Variants in DPH6 observed in about 807,000 individuals in gnomAD.
DPH6 encodes the protein diphthamine biosynthesis 6.
A neutral mutation model predicts 38.2 loss-of-function variants in DPH6; 33 were observed. The observed-to-expected ratio is 0.86, with a 90% CI of 0.65 to 1.15. The LOEUF (loss-of-function observed/expected upper bound fraction) is 1.15. DPH6 is among the 50% of genes most tolerant of loss of function. DPH6 has a pLI of 0.00. For missense variants in DPH6, 325 were observed against 320.0 expected, an observed-to-expected ratio of 1.02 and a Z score of -0.12; for synonymous variants, 108 against 103.0, an observed-to-expected ratio of 1.05 and a Z score of -0.30.
chr15:35,235,201 G>A (rs2051542811), intron 3 of DPH6, among the ~76,000 whole-genome samples: 1 of 152,026 alleles, frequency 6.6e-6, no homozygotes, highest in Non-Finnish European at 1.5e-5. Context: ...GTGAAAGAGA[G>A]CCTGGGAGTT....
At chr15:35,361,722 C>T (rs1000813322) in intron 3 of DPH6, among the ~76,000 whole-genome samples, 7 of 151,764 alleles carry the variant, frequency 4.6e-5, no homozygotes, top group African/African-American at 1.5e-4. Context: ...TGAACCTCTC[C>T]AGTGAATTTT....
At chr15:35,270,493 A>G (rs141310567) in intron 3 of DPH6, among the ~76,000 whole-genome samples, 36 of 152,298 alleles carry the variant, frequency 2.4e-4, no homozygotes, top group African/African-American at 7.2e-4. Context: ...TCTAGCCTTC[A>G]TGAATTGTGC....
the DPH6 span, among the ~76,000 whole-genome samples, chr15:35,209,438 C>G: frequency 2.0e-5 from 3 of 152,020 alleles, no homozygotes; most frequent in African/African-American, 4.8e-5. Flanking sequence ...AGTTCCAACC[C>G]CACACCAGGG....
chr15:35,193,221 T>G, the DPH6 span, among the ~76,000 whole-genome samples: 1 of 152,118 alleles, frequency 6.6e-6, no homozygotes, highest in Non-Finnish European at 1.5e-5. Context: ...AATTTTTTTT[T>G]TCAGATTTCC....
intron 3 of DPH6, among the ~76,000 whole-genome samples, chr15:35,464,062 A>G (rs1385360901): frequency 1.3e-5 from 2 of 152,040 alleles, no homozygotes; most frequent in Non-Finnish European, 2.9e-5. Context: ...TTGGGAGGCC[A>G]AGGCAGGCGG....
At chr15:35,465,501 A>C (rs2054115890) in intron 3 of DPH6, among the ~76,000 whole-genome samples, 1 of 152,228 alleles carries the variant, frequency 6.6e-6, no homozygotes, top group South Asian at 2.1e-4. Context: ...CAAATTTTTC[A>C]CTTTGGTAGA....
chr15:35,363,908 T>C (rs1489224132), intron 3 of DPH6, among the ~76,000 whole-genome samples: 1 of 152,048 alleles, frequency 6.6e-6, no homozygotes, highest in Non-Finnish European at 1.5e-5. Context: ...TTTAACCATT[T>C]AACTCCACTT....
At chr15:35,465,935 T>C (rs1275940394) in intron 3 of DPH6, among the ~76,000 whole-genome samples, 1 of 152,208 alleles carries the variant, frequency 6.6e-6, no homozygotes, top group Non-Finnish European at 1.5e-5. Context: ...GTTGCAACAG[T>C]ATGAAGTCAT....
chr15:35,450,516 T>C (rs2053918656), intron 5 of DPH6, among the ~76,000 whole-genome samples, 169 bp downstream of exon 5: 1 of 151,972 alleles, frequency 6.6e-6, no homozygotes, highest in South Asian at 2.1e-4. Context: ...AAGACCACTT[T>C]AAAACTTCCT....
intron 3 of DPH6, among the ~76,000 whole-genome samples, chr15:35,299,887 T>A (rs2052043360): frequency 6.6e-6 from 1 of 152,218 alleles, no homozygotes; most frequent in Admixed American, 6.5e-5. Flanking sequence ...CATGTTCAGC[T>A]CCTAGAATAT....
chr15:35,267,236 T>C (rs1199979750), intron 3 of DPH6, among the ~76,000 whole-genome samples: 2 of 152,168 alleles, frequency 1.3e-5, no homozygotes, highest in Non-Finnish European at 2.9e-5. Context: ...AGGGAGGAGC[T>C]GCTGATCAGA....
At chr15:35,221,870 T>G (rs527879254) in intron 3 of DPH6, among the ~76,000 whole-genome samples, 1 of 152,208 alleles carries the variant, frequency 6.6e-6, no homozygotes, top group East Asian at 1.9e-4. Flanking sequence ...TTTTACTATG[T>G]GCAGTTGAAA....
At chr15:35,384,920 A>G (rs1416342271) in intron 6 of DPH6, among the ~76,000 whole-genome samples, 1 of 152,214 alleles carries the variant, frequency 6.6e-6, no homozygotes, top group Non-Finnish European at 1.5e-5. Context: ...AAACAAATTT[A>G]CAAGAAAAAA....
At chr15:35,427,778 CTT>C (rs2053587264) in intron 5 of DPH6, among the ~76,000 whole-genome samples, 1 of 151,832 alleles carries the variant, frequency 6.6e-6, no homozygotes, top group Non-Finnish European at 1.5e-5. Context: ...TAAGCACAGT[CTT>C]TGGAAGGAAA....
intron 3 of DPH6, among the ~76,000 whole-genome samples, chr15:35,236,186 A>G (rs1196743640): frequency 2.0e-5 from 3 of 152,254 alleles, no homozygotes; most frequent in African/African-American, 2.4e-5. Flanking sequence ...TGTAAAGTTG[A>G]TATCTAGGTC....
intron 6 of DPH6, among the ~76,000 whole-genome samples, chr15:35,403,661 C>T (rs1448449895): frequency 6.6e-6 from 1 of 152,006 alleles, no homozygotes; most frequent in East Asian, 1.9e-4. Flanking sequence ...GCATGTGCCA[C>T]CATGCTTGGC....
rs1284208849 is a variant in DPH6 at position 35,240,182 on chromosome 15, A to C, written n.201-19600T>G. 4.9e-5 allele frequency among the ~76,000 whole-genome samples: 7 copies of C among 141,942 alleles called. 1 individual carries two copies. The highest frequency in any genetic ancestry group is 1.1e-4 in the Non-Finnish European group (7 of 64,994). The allele number at this position is 141,942 out of a possible 152,430, so 93.1% of individuals were successfully genotyped here. ...TGCCGCTTGACCCCAATACAAACTC[A>C]ACAGTAGTTCCAAATAGCCAGAAAA... On this transcript the variant is annotated intron_variant and non_coding_transcript_variant, in intron 3 of 3. Transcript: ENST00000560386.
chr15:35,475,950 T>C (rs1369447661), intron 3 of DPH6, among the ~76,000 whole-genome samples: 2 of 151,554 alleles, frequency 1.3e-5, no homozygotes, highest in African/African-American at 2.4e-5. Context: ...TACAAAACAG[T>C]AAATGAAAAG....
chr15:35,214,372 T>C (rs1380921124), downstream of DPH6, among the ~76,000 whole-genome samples: 2 of 152,130 alleles, frequency 1.3e-5, no homozygotes, highest in Non-Finnish European at 2.9e-5. Context: ...ATATACAGAA[T>C]CATTAGAAGC....
Sources: allele counts gnomAD v4.1 joint callset (sites outside exome capture counted in the v4.1 genomes callset), GRCh38; gene constraint gnomAD v4.1.1; transcripts MANE v1.5; gene names NCBI Gene and HGNC (gene_info 2026-07-23, HGNC 2026-07-21).